The following TENM2 variants were observed in gnomAD, a reference collection of about 807,000 sequenced individuals.
TENM2 encodes the protein teneurin-2.
Under a neutral mutation model 245.2 loss-of-function variants are expected in TENM2, and 52 were observed. The ratio of observed to expected loss-of-function variants is 0.21; its 90% CI spans 0.17 to 0.27. The LOEUF is 0.27. Among genes scored for constraint, TENM2 ranks in the 10% least tolerant of loss-of-function variants. TENM2 has a pLI of 1.00. For synonymous variants in TENM2, 1,363 were observed against 1,438.9 expected (o/e 0.95, Z 1.19); for missense variants, 3,046 against 3,666.8 (o/e 0.83, Z 4.37).
chr5:167,082,865 T>C, the TENM2 span, among the ~76,000 whole-genome samples: 14 of 152,188 alleles, frequency 9.2e-5, no homozygotes, highest in African/African-American at 3.1e-4. Flanking sequence ...AATTGACTTT[T>C]AAAATAATGT....
chr5:167,703,530 CAAAA>C lies in TENM2; in HGVS notation c.503-172442_503-172439del, dbSNP rs747603141. 9.8e-3 allele frequency among the ~76,000 whole-genome samples: 951 copies of C among 97,160 alleles called. 23 individuals are homozygous for C. Among genetic ancestry groups the C allele is most frequent in the African/African-American group, 0.029 (898 of 31,068 alleles). The allele number at this position is 97,160 out of a possible 152,430, so 63.7% of individuals were successfully genotyped here. A position where few individuals can be genotyped will look rare whatever the true frequency, so the allele number is the denominator to read the frequency against. The stretch of plus-strand genomic sequence containing the variant: ...CTGGGTGACAAGAGTGAAACCATCT[CAAAA>C]AAAAAAAAAAAAAGGCTACATTAAC... On this transcript the variant is annotated intron_variant, in intron 2 of 28. Coordinates refer to ENST00000518659, the Ensembl canonical transcript of TENM2.
At chr5:167,163,565 G>C in the TENM2 span, among the ~76,000 whole-genome samples, 1 of 151,530 alleles carries the variant, frequency 6.6e-6, no homozygotes, top group Non-Finnish European at 1.5e-5. Context: ...CTGGACTTCT[G>C]TATCCTATCC....
intron 7 of TENM2, among the ~76,000 whole-genome samples, chr5:168,087,713 C>T (rs2152233391): frequency 6.6e-6 from 1 of 152,160 alleles, no homozygotes; most frequent in Non-Finnish European, 1.5e-5. Flanking sequence ...CACCACCCTA[C>T]CCTGCAGATG....
chr5:167,098,765 A>G, the TENM2 span, among the ~76,000 whole-genome samples: 1 of 152,350 alleles, frequency 6.6e-6, no homozygotes, highest in South Asian at 2.1e-4. Context: ...ATCAATAGAC[A>G]GAAACCAAAG....
At chr5:167,964,778 AAAGAGAAAGC>A (rs140956676) in intron 4 of TENM2, among the ~76,000 whole-genome samples, 3,098 of 152,282 alleles carry the variant, frequency 0.02, 106 homozygotes, top group African/African-American at 0.07. Context: ...AAGGTGCCAG[AAAGAGAAAGC>A]AAGAGAAAGC....
intron 4 of TENM2, among the ~76,000 whole-genome samples, chr5:167,984,043 C>T (rs1467659522): frequency 1.3e-5 from 2 of 152,128 alleles, no homozygotes; most frequent in Non-Finnish European, 2.9e-5. Flanking sequence ...AATAAACTCA[C>T]CCAATCCCCC....
At chr5:167,266,165 T>C in the TENM2 span, among the ~76,000 whole-genome samples, 1 of 152,192 alleles carries the variant, frequency 6.6e-6, no homozygotes, top group Non-Finnish European at 1.5e-5. Flanking sequence ...TTATCATAAT[T>C]GTGAGATTGC....
the TENM2 span, among the ~76,000 whole-genome samples, chr5:167,231,515 T>C: frequency 6.6e-6 from 1 of 152,198 alleles, no homozygotes; most frequent in African/African-American, 2.4e-5. Flanking sequence ...TTTGGAACTT[T>C]GAATTTAAGA....
At chr5:167,124,054 A>T in the TENM2 span, among the ~76,000 whole-genome samples, 3 of 152,228 alleles carry the variant, frequency 2.0e-5, no homozygotes, top group Admixed American at 2.0e-4. Flanking sequence ...TAGTGTCTAT[A>T]TGGAGAATAT....
At chr5:167,298,332 G>A (rs568588547) in intron 1 of TENM2, among the ~76,000 whole-genome samples, 6 of 152,330 alleles carry the variant, frequency 3.9e-5, no homozygotes, top group South Asian at 2.1e-4. Flanking sequence ...GGCCGGGTGC[G>A]GTGGCTCACG....
intron 2 of TENM2, among the ~76,000 whole-genome samples, chr5:167,871,852 A>G (rs1343827099): frequency 1.3e-5 from 2 of 152,186 alleles, no homozygotes; most frequent in Non-Finnish European, 2.9e-5. Flanking sequence ...ATCAAAATTT[A>G]TAAAGTGAGC....
intron 2 of TENM2, among the ~76,000 whole-genome samples, chr5:167,408,239 A>G (rs562586488): frequency 6.6e-6 from 1 of 152,282 alleles, no homozygotes; most frequent in Non-Finnish European, 1.5e-5. Context: ...TAAAAGTAGA[A>G]GGAAGCTTGG....
chr5:167,239,465 A>C, the TENM2 span, among the ~76,000 whole-genome samples: 1 of 152,168 alleles, frequency 6.6e-6, no homozygotes, highest in Non-Finnish European at 1.5e-5. Context: ...TTCCTCCAAG[A>C]CACCTAACAT....
rs116063677 is a variant in TENM2, at chr5:168,001,286, G to A, written c.1186+8104G>A. Among the ~76,000 whole-genome samples, 557 of 152,348 alleles carry A rather than the reference G, an allele frequency of 3.7e-3. 2 individuals are homozygous for A. The highest frequency in any genetic ancestry group is 0.013 in the African/African-American group (533 of 41,580). Reference sequence around the variant, plus strand: ...GTAAGCACCACATTTAAGCCCTCTAGCAGGAATCTGTGATTCCCTGAAATC... The same window carrying A: ...GTAAGCACCACATTTAAGCCCTCTAACAGGAATCTGTGATTCCCTGAAATC... On this transcript the variant is annotated intron_variant, in intron 5 of 28. Transcript: ENST00000518659.
chr5:167,090,935 A>G, the TENM2 span, among the ~76,000 whole-genome samples: 11 of 152,310 alleles, frequency 7.2e-5, no homozygotes, highest in Non-Finnish European at 1.3e-4. Flanking sequence ...CTTCACTAAT[A>G]AACACAAAAC....
chr5:167,156,658 G>A, the TENM2 span, among the ~76,000 whole-genome samples: 1 of 152,122 alleles, frequency 6.6e-6, no homozygotes, highest in African/African-American at 2.4e-5. Context: ...AGCATAGTAG[G>A]TACTGGCATG....
the TENM2 span, among the ~76,000 whole-genome samples, chr5:167,277,184 T>C: frequency 1.3e-5 from 2 of 151,998 alleles, no homozygotes; most frequent in African/African-American, 4.8e-5. Context: ...TTTTTCATTG[T>C]TTTTGAAATG....
chr5:167,979,205 A>AGG (rs1364502978), intron 4 of TENM2, among the ~76,000 whole-genome samples: 6 of 152,176 alleles, frequency 3.9e-5, no homozygotes, highest in Admixed American at 3.3e-4. Context: ...TTTGTTACAC[A>AGG]GGTAGGGGGA....
chr5:168,088,644 A>T (rs1792664595), intron 7 of TENM2, among the ~76,000 whole-genome samples: 1 of 152,052 alleles, frequency 6.6e-6, no homozygotes, highest in Non-Finnish European at 1.5e-5. Flanking sequence ...CATCCTTATA[A>T]CCTCCCTGAA....
Sources: gnomAD v4.1 joint callset for allele counts (sites outside exome capture counted in the v4.1 genomes callset) on GRCh38, gnomAD v4.1.1 for gene constraint, MANE v1.5 for transcripts, NCBI Gene and HGNC (gene_info 2026-07-23, HGNC 2026-07-21) for gene names.